The following PLCB1 variants were observed in gnomAD, a reference collection of about 807,000 sequenced individuals.
PLCB1 encodes the protein 1-phosphatidylinositol 4,5-bisphosphate phosphodiesterase beta-1.
A neutral mutation model predicts 161.8 loss-of-function variants in PLCB1; 46 were observed. The ratio of observed to expected loss-of-function variants is 0.28; its 90% confidence interval spans 0.22 to 0.36. PLCB1 has a LOEUF of 0.36. Ranked by LOEUF, PLCB1 falls within the 10% of genes least tolerant of loss-of-function variation. The pLI is 1.00. For missense variants in PLCB1, 1,016 were observed against 1,472.5 expected (o/e 0.69, Z 5.07); for synonymous variants, 517 against 503.7 (o/e 1.03, Z -0.35).
intron 2 of PLCB1, among the ~76,000 whole-genome samples, chr20:8,338,818 C>T (rs111660961): frequency 0.027 from 4,165 of 152,230 alleles, 77 homozygotes; most frequent in South Asian, 0.061. Context: ...TACCCCTGCA[C>T]GCACATAAAA....
intron 3 of PLCB1, among the ~76,000 whole-genome samples, chr20:8,594,242 T>C (rs1987249427): frequency 6.6e-6 from 1 of 152,120 alleles, no homozygotes; most frequent in African/African-American, 2.4e-5. Flanking sequence ...TAGCTTCTGT[T>C]TGATGTATTC....
chr20:8,393,789 G>A (rs1412800302), intron 3 of PLCB1, among the ~76,000 whole-genome samples: 1 of 151,970 alleles, frequency 6.6e-6, no homozygotes, highest in African/African-American at 2.4e-5. Flanking sequence ...TAATATAAAT[G>A]TTCTAAAAGC....
chr20:8,650,676 G>A (rs2123298994), intron 7 of PLCB1, among the ~76,000 whole-genome samples: 1 of 152,234 alleles, frequency 6.6e-6, no homozygotes, highest in East Asian at 1.9e-4. Context: ...GGATCAGTGT[G>A]AAGCCGTTAT....
intron 27 of PLCB1, among the ~76,000 whole-genome samples, chr20:8,783,569 A>G (rs889039627): frequency 7.2e-5 from 11 of 152,102 alleles, no homozygotes; most frequent in African/African-American, 2.7e-4. Context: ...TTTTATCCTT[A>G]TTCTTTTGAT....
rs144764519 is a variant in PLCB1 at position 8,586,012 on chromosome 20, T to G, written c.247-42282T>G. On this transcript the variant is annotated intron_variant, in intron 3 of 31. Transcript: ENST00000338037. ...CAATCTACTCCAGTGCCCAGCTCAT[T>G]ACCCCAGATTCAATAAATGCTCGCT... 4.5e-3 allele frequency among the ~76,000 whole-genome samples: 681 copies of G among 152,344 alleles called. 6 individuals carry two copies. Among genetic ancestry groups the G allele is most frequent in the African/African-American group, 0.013 (550 of 41,578 alleles).
At chr20:8,297,728 A>C (rs1378642423) in intron 2 of PLCB1, among the ~76,000 whole-genome samples, 1 of 152,132 alleles carries the variant, frequency 6.6e-6, no homozygotes, top group South Asian at 2.1e-4. Context: ...TAGAAATAAC[A>C]GCAGGGCATT....
At chr20:8,444,617 T>G (rs1980730043) in intron 3 of PLCB1, among the ~76,000 whole-genome samples, 1 of 152,234 alleles carries the variant, frequency 6.6e-6, no homozygotes, top group Non-Finnish European at 1.5e-5. Context: ...CCTTGAGGAA[T>G]AGCCACACTG....
At chr20:8,445,720 C>T (rs545356987) in intron 3 of PLCB1, among the ~76,000 whole-genome samples, 6 of 151,966 alleles carry the variant, frequency 3.9e-5, no homozygotes, top group South Asian at 2.1e-4. Context: ...TCTTTTATTT[C>T]GTTGAGCAGT....
At chr20:8,553,960 C>G (rs563466352) in intron 3 of PLCB1, among the ~76,000 whole-genome samples, 3 of 152,062 alleles carry the variant, frequency 2.0e-5, no homozygotes, top group African/African-American at 7.2e-5. Context: ...CGAGATTGCA[C>G]TACTGTTCTC....
chr20:8,783,965 T>G (rs961700950), intron 27 of PLCB1, among the ~76,000 whole-genome samples: 2 of 152,150 alleles, frequency 1.3e-5, no homozygotes, highest in Non-Finnish European at 2.9e-5. Context: ...GGGAAGCATG[T>G]GGGTGAGGCC....
chr20:8,324,760 A>T (rs76999405), intron 2 of PLCB1, among the ~76,000 whole-genome samples: 4,064 of 152,320 alleles, frequency 0.027, 64 homozygotes, highest in Non-Finnish European at 0.039. Flanking sequence ...TGGTCTCATG[A>T]ATTCATAAAC....
In PLCB1 at chr20:8,448,180, C is replaced by G. The variant is rs777161901; in HGVS notation, c.246+76730C>G. ...AATCCCTTTGCAAAGGTGTACCTTC[C>G]TTTTCTTGAACAGAATGAAAAATGT... On this transcript the variant is annotated intron_variant, in intron 3 of 31. Transcript: ENST00000338037. Among the ~76,000 whole-genome samples, 172 of 152,322 alleles carry G rather than the reference C, an allele frequency of 1.1e-3. 1 individual carries two copies. The highest frequency in any genetic ancestry group is 3.4e-3 in the Middle Eastern group (1 of 292).
At chr20:8,864,096 C>T (rs944030210) in intron 31 of PLCB1, among the ~76,000 whole-genome samples, 2 of 152,070 alleles carry the variant, frequency 1.3e-5, no homozygotes, top group African/African-American at 4.8e-5. Flanking sequence ...AAAAACAATT[C>T]AGAGTTCTTA....
intron 1 of PLCB1, among the ~76,000 whole-genome samples, chr20:8,137,705 C>T (rs57178496): frequency 6.6e-6 from 1 of 152,276 alleles, no homozygotes; most frequent in East Asian, 1.9e-4. Flanking sequence ...AGTACCAGAT[C>T]AAGAAACAGC....
At chr20:8,742,503 G>A (rs1399093674) in intron 23 of PLCB1, among the ~76,000 whole-genome samples, 1 of 151,988 alleles carries the variant, frequency 6.6e-6, no homozygotes, top group Non-Finnish European at 1.5e-5. Context: ...ACGTAAAAAT[G>A]ACAAAAGAAA....
chr20:8,454,301 G>T (rs1981201265), intron 3 of PLCB1, among the ~76,000 whole-genome samples: 1 of 152,278 alleles, frequency 6.6e-6, no homozygotes, highest in South Asian at 2.1e-4. Flanking sequence ...CAGGATCCAG[G>T]ACACCTTTGC....
chr20:8,394,211 A>G (rs1253193585), intron 3 of PLCB1, among the ~76,000 whole-genome samples: 3 of 151,976 alleles, frequency 2.0e-5, no homozygotes, highest in African/African-American at 7.3e-5. Context: ...ACTCTTAACT[A>G]TTTCTAGAGC....
intron 31 of PLCB1, among the ~76,000 whole-genome samples, chr20:8,838,414 T>A (rs555086643): frequency 6.6e-6 from 1 of 152,314 alleles, no homozygotes; most frequent in Admixed American, 6.5e-5. Flanking sequence ...GTAGGGCTAA[T>A]GGAGGTCAGG....
chr20:8,162,573 C>T (rs1231714228), intron 2 of PLCB1, among the ~76,000 whole-genome samples: 2 of 152,166 alleles, frequency 1.3e-5, no homozygotes, highest in Admixed American at 6.5e-5. Context: ...TCACATTTCT[C>T]CTGTTAGAAT....
Sources: allele counts gnomAD v4.1 joint callset (sites outside exome capture counted in the v4.1 genomes callset), GRCh38; gene constraint gnomAD v4.1.1; transcripts MANE v1.5; gene names NCBI Gene and HGNC (gene_info 2026-07-23, HGNC 2026-07-21).